TRHDE: variants seen among roughly 807,000 people sequenced by gnomAD.
TRHDE encodes the protein thyrotropin releasing hormone degrading enzyme.
Under a neutral mutation model 125.7 loss-of-function variants are expected in TRHDE, and 72 were observed. That is an observed-to-expected ratio of 0.57 (90% CI 0.47 to 0.70). The LOEUF is 0.70. Ranked by LOEUF, TRHDE falls within the 30% of genes least tolerant of loss-of-function variation. TRHDE has a pLI of 0.00. For missense variants in TRHDE, 1,110 were observed against 1,327.1 expected (o/e 0.84, Z 2.54); for synonymous variants, 509 against 509.1 (o/e 1.00, Z 0.00).
chr12:72,460,619 TTAC>T (rs1876082805), intron 3 of TRHDE, among the ~76,000 whole-genome samples: 1 of 152,198 alleles, frequency 6.6e-6, no homozygotes, highest in Admixed American at 6.5e-5. Context: ...GGAAGGAACC[TTAC>T]ATTCAACCTG....
intron 5 of TRHDE, among the ~76,000 whole-genome samples, chr12:72,488,335 T>C (rs1396541881): frequency 6.6e-6 from 1 of 151,992 alleles, no homozygotes; most frequent in Non-Finnish European, 1.5e-5. Context: ...ATGTAAATTG[T>C]AACCAAAAGA....
chr12:72,243,983 G>A (rs1197107013), intron 2 of TRHDE, among the ~76,000 whole-genome samples: 3 of 152,150 alleles, frequency 2.0e-5, no homozygotes, highest in Non-Finnish European at 4.4e-5. Context: ...TGTAGGGTAT[G>A]TATAACATAT....
At chr12:72,444,986 G>A (rs1875205490) in intron 3 of TRHDE, among the ~76,000 whole-genome samples, 2 of 151,778 alleles carry the variant, frequency 1.3e-5, no homozygotes, top group Admixed American at 6.6e-5. Context: ...GATTCTCTCA[G>A]CCTGCTTAGT....
At chr12:72,479,460 A>G (rs1374148546) in intron 5 of TRHDE, among the ~76,000 whole-genome samples, 1 of 152,074 alleles carries the variant, frequency 6.6e-6, no homozygotes, top group Non-Finnish European at 1.5e-5. Flanking sequence ...GGAAGATAAA[A>G]CAAGCATAAT....
chr12:72,261,433 T>A (rs1186386915), intron 2 of TRHDE, among the ~76,000 whole-genome samples: 1 of 152,142 alleles, frequency 6.6e-6, no homozygotes, highest in African/African-American at 2.4e-5. Flanking sequence ...AGAGACCTAT[T>A]TTGAGGATTT....
At chr12:72,113,282 G>A (rs1231204590) in intron 2 of TRHDE, among the ~76,000 whole-genome samples, 1 of 151,926 alleles carries the variant, frequency 6.6e-6, no homozygotes, top group Non-Finnish European at 1.5e-5. Flanking sequence ...GCTTCCCAAA[G>A]TGCTTGGATT....
rs145119847 is a variant in TRHDE at position 72,451,578 on chromosome 12, T to TTTGTTG, written c.1316-18162_1316-18157dup. Among the ~76,000 whole-genome samples, 23 of 151,946 alleles carry TTTGTTG rather than the reference T, an allele frequency of 1.5e-4. 1 individual carries two copies. The highest frequency in any genetic ancestry group is 3.4e-3 in the Middle Eastern group (1 of 294). ...CAGTGTGATGCCTCTGGCTTTGTTT[T>TTTGTTG]TTGTTGTTGTTGTTGTTGTTGTTCA... On this transcript the variant is annotated intron_variant, in intron 3 of 18. Transcript: ENST00000261180.
intron 2 of TRHDE, among the ~76,000 whole-genome samples, chr12:72,373,634 A>G (rs557407945): frequency 9.8e-5 from 15 of 152,306 alleles, no homozygotes; most frequent in Admixed American, 7.2e-4. Flanking sequence ...AAGGAGATAG[A>G]TGGTCCTGGG....
At chr12:72,524,746 C>T (rs554976216) in intron 6 of TRHDE, among the ~76,000 whole-genome samples, 1 of 152,204 alleles carries the variant, frequency 6.6e-6, no homozygotes, top group Non-Finnish European at 1.5e-5. Flanking sequence ...GTATACTATG[C>T]TTTTGTCCTT....
In TRHDE at chr12:72,391,318, AAG is replaced by A. The variant is rs1479099382; in HGVS notation, c.1315+13202_1315+13203del. On this transcript the variant is annotated intron_variant, in intron 3 of 18. Transcript: ENST00000261180. ...AAGTGTGAAACAAACCTTAGCCTGT[AAG>A]AGAGGTTGCAATACACAAGCGGAGC... 4.6e-5 allele frequency among the ~76,000 whole-genome samples: 7 copies of A among 152,294 alleles called. No homozygotes were observed. The East Asian group carries it at 1.4e-3, about 29-fold the overall frequency.
intron 2 of TRHDE, among the ~76,000 whole-genome samples, chr12:72,185,912 T>TGGAA (rs1388795675): frequency 6.6e-6 from 1 of 152,128 alleles, no homozygotes; most frequent in Non-Finnish European, 1.5e-5. Context: ...AACCTGTGTG[T>TGGAA]GGAAACTCTG....
chr12:72,443,802 G>A (rs1875140175), intron 3 of TRHDE, among the ~76,000 whole-genome samples: 1 of 151,786 alleles, frequency 6.6e-6, no homozygotes, highest in Non-Finnish European at 1.5e-5. Context: ...GCTATAGAAA[G>A]AGCGTGGATT....
At chr12:72,182,120 T>G (rs1242053159) in intron 2 of TRHDE, among the ~76,000 whole-genome samples, 2 of 152,186 alleles carry the variant, frequency 1.3e-5, no homozygotes, top group Non-Finnish European at 2.9e-5. Flanking sequence ...CCCTGAAATG[T>G]TAGAAATCAA....
At chr12:72,285,522 C>CA (rs1879847755) in intron 1 of TRHDE, among the ~76,000 whole-genome samples, 1 of 131,440 alleles carries the variant, frequency 7.6e-6, no homozygotes, top group Admixed American at 8.2e-5. Flanking sequence ...TTTTTTTCTT[C>CA]TTTTTTTTTT....
intron 2 of TRHDE, chr12:72,257,581 TG>T (rs1878848217): frequency 6.6e-6 from 1 of 152,186 alleles, no homozygotes; most frequent in African/African-American, 2.4e-5. Context: ...CAATATAACT[TG>T]GGTCATTGTT....
At chr12:72,662,710 C>T (rs573257775) in intron 18 of TRHDE, among the ~76,000 whole-genome samples, 1 of 152,212 alleles carries the variant, frequency 6.6e-6, no homozygotes, top group African/African-American at 2.4e-5. Context: ...CTAGTCCTTG[C>T]CACAATCCCA....
At chr12:72,558,240 A>G (rs74105904) in intron 7 of TRHDE, among the ~76,000 whole-genome samples, 2,065 of 152,292 alleles carry the variant, frequency 0.014, 48 homozygotes, top group African/African-American at 0.047. Context: ...GTGACAATAT[A>G]AAAGAGATAT....
chr12:72,414,533 A>T (rs1253156186), intron 3 of TRHDE, among the ~76,000 whole-genome samples: 1 of 152,142 alleles, frequency 6.6e-6, no homozygotes, highest in Non-Finnish European at 1.5e-5. Flanking sequence ...CTGTCGAATT[A>T]AGAATAGAGT....
chr12:72,446,982 C>G (rs1214933177), intron 3 of TRHDE, among the ~76,000 whole-genome samples: 1 of 152,014 alleles, frequency 6.6e-6, no homozygotes, highest in Non-Finnish European at 1.5e-5. Flanking sequence ...ACAAGGATAT[C>G]CAGGAATTGA....
Sources: gnomAD v4.1 joint callset for allele counts (sites outside exome capture counted in the v4.1 genomes callset) on GRCh38, gnomAD v4.1.1 for gene constraint, MANE v1.5 for transcripts, NCBI Gene and HGNC (gene_info 2026-07-23, HGNC 2026-07-21) for gene names.